The following IFNGR2 variants were observed in gnomAD, a reference collection of about 807,000 sequenced individuals.
IFNGR2 encodes the protein interferon gamma receptor 2, also known as IFN-gamma receptor 2.
A neutral mutation model predicts 41.1 loss-of-function variants in IFNGR2; 15 were observed. The observed-to-expected ratio is 0.37, with a 90% CI of 0.24 to 0.56. The LOEUF (loss-of-function observed/expected upper bound fraction) is 0.56. Among genes scored for constraint, IFNGR2 ranks in the 20% least tolerant of loss-of-function variants. IFNGR2 has a pLI of 0.81. For synonymous variants in IFNGR2, 161 were observed against 171.6 expected (o/e 0.94, Z 0.48); for missense variants, 362 against 415.7 (o/e 0.87, Z 1.12).
At chr21:33,429,457 T>C (rs559421542) in intron 4 of IFNGR2, among the ~76,000 whole-genome samples, 2 of 152,292 alleles carry the variant, frequency 1.3e-5, no homozygotes, top group Middle Eastern at 3.4e-3. Context: ...CATCTGTGCC[T>C]GGCCCATACT....
intron 4 of IFNGR2, among the ~76,000 whole-genome samples, chr21:33,427,794 C>G (rs985457194): frequency 4.0e-5 from 6 of 149,138 alleles, no homozygotes; most frequent in African/African-American, 1.5e-4. Context: ...TGAGAGCTTC[C>G]TTTGTGTTTG....
chr21:33,408,223 G>A (rs528968058), intron 1 of IFNGR2, among the ~76,000 whole-genome samples: 3 of 152,182 alleles, frequency 2.0e-5, no homozygotes, highest in African/African-American at 7.2e-5. Context: ...TTGATATGGA[G>A]TTTTGCTCTT....
At chr21:33,418,436 ATTTC>A (rs551476476) in intron 2 of IFNGR2, among the ~76,000 whole-genome samples, 127 of 152,144 alleles carry the variant, frequency 8.3e-4, no homozygotes, top group Non-Finnish European at 1.6e-3. Context: ...ATCGGGGATG[ATTTC>A]TTTTTCTTTT....
chr21:33,416,774 A>G (rs1472622340), intron 2 of IFNGR2, among the ~76,000 whole-genome samples: 1 of 149,974 alleles, frequency 6.7e-6, no homozygotes, highest in Non-Finnish European at 1.5e-5. Context: ...GTGAACCGAG[A>G]TCGTGCCACT....
At chr21:33,410,968 C>T in intron 1 of IFNGR2, 1 of 1,070,062 alleles carries the variant, frequency 9.3e-7, no homozygotes, top group South Asian at 1.3e-5. Context: ...CCCAGCCTTC[C>T]AGCCCTGGTG....
chr21:33,411,386 A>C (rs752794711), intron 1 of IFNGR2: 6 of 468,116 alleles, frequency 1.3e-5, no homozygotes, highest in Non-Finnish European at 2.7e-5. Flanking sequence ...CTGGGGAACT[A>C]GAGGTGCCCG....
Position 33,414,891 on chromosome 21 carries a change from C to T in IFNGR2, c.77C>T (p.Pro26Leu), listed in dbSNP as rs1327516061. 1.2e-6 allele frequency: 2 copies of T among 1,613,462 alleles called. No individual in the cohort carries two copies. The highest frequency in any genetic ancestry group is 2.7e-5 in the African/African-American group (2 of 75,036). The change falls in exon 2 of 7, where the codon CCT (proline) becomes CTT (leucine). Residue 26 changes from proline to leucine, a missense_variant. Coordinates refer to ENST00000290219, the MANE Select transcript of IFNGR2 (RefSeq NM_005534.4). ...CTTTTTCTCTGTCCCCCTCAAGACC[C>T]TCTTTCCCAGCTGCCCGCTCCTCAG... Reference protein sequence around the residue: ...FAAAAAAPPDPLSQLPAPQHP... With the variant: ...FAAAAAAPPDLLSQLPAPQHP...
intron 1 of IFNGR2, among the ~76,000 whole-genome samples, chr21:33,414,244 C>T (rs907794398): frequency 3.9e-5 from 6 of 152,244 alleles, no homozygotes; most frequent in South Asian, 4.1e-4. Flanking sequence ...CCTGTGATTG[C>T]GATGCTGGGG....
upstream of IFNGR2, chr21:33,403,352 ACGGGGCGGGGG>A (rs2083654031): frequency 8.4e-6 from 1 of 118,602 alleles, no homozygotes; most frequent in Non-Finnish European, 1.4e-5. Flanking sequence ...CGGGGGCGGG[ACGGGGCGGGGG>A]CGGGGGCGCG....
At chr21:33,412,157 G>A (rs1309795306) in intron 1 of IFNGR2, among the ~76,000 whole-genome samples, 2 of 152,276 alleles carry the variant, frequency 1.3e-5, no homozygotes, top group Middle Eastern at 3.4e-3. Context: ...ACCTAATACA[G>A]GAAATAAAAG....
intron 1 of IFNGR2, chr21:33,411,578 A>G: frequency 2.1e-6 from 1 of 466,818 alleles, no homozygotes; most frequent in South Asian, 1.6e-5. Context: ...AGATGTGAGT[A>G]AGTTAAGAGC....
chr21:33,435,345 G>GC (rs17879945), intron 6 of IFNGR2, among the ~76,000 whole-genome samples: 5,049 of 152,128 alleles, frequency 0.033, 273 homozygotes, highest in African/African-American at 0.11. Context: ...CTGAACAAGA[G>GC]CCCCCAGTCC....
intron 1 of IFNGR2, chr21:33,410,812 T>G: frequency 1.3e-6 from 2 of 1,484,170 alleles, no homozygotes; most frequent in Non-Finnish European, 1.8e-6. Flanking sequence ...AATTCATAAC[T>G]CATAATCTAA....
chr21:33,415,605 T>C (rs61280447), intron 2 of IFNGR2, among the ~76,000 whole-genome samples: 5,004 of 152,314 alleles, frequency 0.033, 269 homozygotes, highest in African/African-American at 0.11. Context: ...TTTACGTTGT[T>C]AAGTAGGTTA....
chr21:33,432,605 C>T (rs2083899905), intron 5 of IFNGR2, 109 bp from the exon 6 acceptor site: 1 of 1,254,028 alleles, frequency 8.0e-7, no homozygotes, highest in African/African-American at 1.5e-5. Context: ...GGGACTTGCC[C>T]ATTTTACTAG....
At chr21:33,428,093 C>G (rs570611260) in intron 4 of IFNGR2, among the ~76,000 whole-genome samples, 1 of 152,118 alleles carries the variant, frequency 6.6e-6, no homozygotes, top group African/African-American at 2.4e-5. Flanking sequence ...TGGCTTGCCT[C>G]AGGTCAGCAG....
In IFNGR2 at chr21:33,412,809, C is replaced by T. The variant is rs17878722; in HGVS notation, c.74-2079C>T. On this transcript the variant is annotated intron_variant, in intron 1 of 6. Coordinates refer to ENST00000290219, the MANE Select transcript of IFNGR2 (RefSeq NM_005534.4). Reference sequence around the variant, plus strand: ...GACCTCAGGTGATCCACCACCTCAGCGTCCCAAAGTGCTGGGATTTCAGGC... The same window carrying T: ...GACCTCAGGTGATCCACCACCTCAGTGTCCCAAAGTGCTGGGATTTCAGGC... Among the ~76,000 whole-genome samples, 1,312 of 152,294 alleles carry T rather than the reference C, an allele frequency of 8.6e-3. 16 individuals are homozygous for T. The highest frequency in any genetic ancestry group is 0.03 in the African/African-American group (1,233 of 41,560).
chr21:33,424,850 C>T (rs1039033638), intron 3 of IFNGR2, among the ~76,000 whole-genome samples: 3 of 147,988 alleles, frequency 2.0e-5, no homozygotes, highest in Non-Finnish European at 4.5e-5. Context: ...AAGTGATTCT[C>T]GTGCCTCAGC....
At chr21:33,431,658 G>A (rs955094145) in intron 4 of IFNGR2, among the ~76,000 whole-genome samples, 2 of 152,140 alleles carry the variant, frequency 1.3e-5, no homozygotes, top group Non-Finnish European at 2.9e-5. Context: ...TGCACCCTCT[G>A]CCTCCTGGTC....
Sources: gnomAD v4.1 joint callset for allele counts (sites outside exome capture counted in the v4.1 genomes callset) on GRCh38, gnomAD v4.1.1 for gene constraint, MANE v1.5 for transcripts, NCBI Gene and HGNC (gene_info 2026-07-23, HGNC 2026-07-21) for gene names.